Variants in PRKCZ observed in about 807,000 individuals in gnomAD.
PRKCZ encodes the protein protein kinase C zeta, also known as protein kinase C zeta type.
A neutral mutation model predicts 79.5 loss-of-function variants in PRKCZ; 33 were observed. That is an observed-to-expected ratio of 0.41 (90% CI 0.31 to 0.55). The LOEUF (loss-of-function observed/expected upper bound fraction) is 0.55. PRKCZ is among the 20% of genes least tolerant of loss of function. The pLI, the probability that PRKCZ is intolerant of heterozygous loss-of-function variation, is 0.19. For missense variants in PRKCZ, 578 were observed against 813.5 expected (o/e 0.71, Z 3.52); for synonymous variants, 342 against 320.9 (o/e 1.07, Z -0.70).
intron 4 of PRKCZ, among the ~76,000 whole-genome samples, chr1:2,092,566 C>T (rs535582273): frequency 4.5e-4 from 69 of 152,288 alleles, no homozygotes; most frequent in African/African-American, 1.6e-3. Context: ...AGCAGTGGGG[C>T]CAGGTGGACT....
intron 10 of PRKCZ, among the ~76,000 whole-genome samples, chr1:2,167,576 C>T (rs1005483743): frequency 6.6e-6 from 1 of 152,158 alleles, no homozygotes; most frequent in Non-Finnish European, 1.5e-5. Flanking sequence ...GCGGTGAAGT[C>T]ACCCTAAGGG....
chr1:2,110,890 C>T (rs956306865), intron 4 of PRKCZ, among the ~76,000 whole-genome samples: 5 of 151,884 alleles, frequency 3.3e-5, no homozygotes, highest in African/African-American at 4.8e-5. Flanking sequence ...GGCTGGTGGA[C>T]GGTGTAGTTC....
At chr1:2,089,817 C>G (rs1047690761) in intron 4 of PRKCZ, among the ~76,000 whole-genome samples, 1 of 152,180 alleles carries the variant, frequency 6.6e-6, no homozygotes, top group African/African-American at 2.4e-5. Context: ...GTGATCCCAG[C>G]TACTCCGGAG....
chr1:2,070,884 C>T (rs953257728), intron 4 of PRKCZ, among the ~76,000 whole-genome samples: 1 of 152,082 alleles, frequency 6.6e-6, no homozygotes, highest in Non-Finnish European at 1.5e-5. Flanking sequence ...TCACTTGGAG[C>T]AATGGCGGGA....
At chr1:2,074,015 G>T in intron 4 of PRKCZ, 2 of 1,427,270 alleles carry the variant, frequency 1.4e-6, no homozygotes, top group Non-Finnish European at 1.8e-6. Context: ...TGCGGAGGAC[G>T]GTGCCCGAGT....
rs112933753 is a variant in PRKCZ, at chr1:2,075,924, G to A, written c.334+16333G>A. 5.8e-4 allele frequency among the ~76,000 whole-genome samples: 88 copies of A among 152,352 alleles called. No homozygotes were observed. Among genetic ancestry groups the A allele is most frequent in the African/African-American group, 2.0e-3 (84 of 41,572 alleles). On this transcript the variant is annotated intron_variant, in intron 4 of 17. Coordinates refer to ENST00000378567, the MANE Select transcript of PRKCZ (RefSeq NM_002744.6). The surrounding 1 kb of genome is among the most constrained non-coding windows in gnomAD (Gnocchi z 4.8). Reference sequence around the variant, plus strand: ...CATCTGCCACACGTTTCTGATCGCCGAGGACTCAGCCGGGCACATGGAGGT... The same window carrying A: ...CATCTGCCACACGTTTCTGATCGCCAAGGACTCAGCCGGGCACATGGAGGT...
intron 4 of PRKCZ, among the ~76,000 whole-genome samples, chr1:2,110,297 G>A (rs1245540523): frequency 6.6e-6 from 1 of 152,224 alleles, no homozygotes; most frequent in Non-Finnish European, 1.5e-5. Flanking sequence ...AGAACGGCCA[G>A]GGCTGAATCT....
At chr1:2,138,121 G>A (rs139161261) in intron 5 of PRKCZ, among the ~76,000 whole-genome samples, 15 of 152,320 alleles carry the variant, frequency 9.8e-5, no homozygotes, top group African/African-American at 3.1e-4. Context: ...GATCACCTCT[G>A]CTGTCACTTA....
At chr1:2,151,988 C>T (rs916409564) in intron 9 of PRKCZ, among the ~76,000 whole-genome samples, 1 of 152,148 alleles carries the variant, frequency 6.6e-6, no homozygotes, top group African/African-American at 2.4e-5. Flanking sequence ...GGAACCAGGA[C>T]TACAGGCATG....
At chr1:2,084,432 CCCCCAGGCAT>C (rs1664122030) in intron 4 of PRKCZ, among the ~76,000 whole-genome samples, 1 of 152,214 alleles carries the variant, frequency 6.6e-6, no homozygotes, top group African/African-American at 2.4e-5. Flanking sequence ...GTCTCTGGGA[CCCCCAGGCAT>C]CCCCAGACCT....
chr1:2,171,675 T>C (rs1204375798), intron 11 of PRKCZ: 1 of 180,292 alleles, frequency 5.5e-6, no homozygotes, highest in Admixed American at 5.7e-5. Flanking sequence ...GCACCGTGTT[T>C]AATTTTCGAG....
intron 9 of PRKCZ, among the ~76,000 whole-genome samples, chr1:2,151,728 CCCACTATAG>C (rs1401217659): frequency 2.0e-5 from 3 of 152,190 alleles, no homozygotes; most frequent in Non-Finnish European, 4.4e-5. Context: ...TTGATCACAG[CCCACTATAG>C]CCTCAAAGTC....
chr1:2,138,882 T>C (rs411021), intron 5 of PRKCZ, among the ~76,000 whole-genome samples: 116,300 of 152,116 alleles, frequency 0.76, 45,102 homozygotes, highest in African/African-American at 0.9. Flanking sequence ...TGCGGTGAGC[T>C]GAGATTGTGC....
intron 5 of PRKCZ, chr1:2,142,260 C>G (rs1677497122): frequency 3.3e-6 from 1 of 298,874 alleles, no homozygotes. Context: ...CGCCTCCTTT[C>G]AATCCAGGGT....
intron 4 of PRKCZ, chr1:2,104,581 C>T: frequency 1.5e-6 from 1 of 652,370 alleles, no homozygotes; most frequent in Non-Finnish European, 1.9e-6. Flanking sequence ...TGGGAGGGGA[C>T]AATCCCAGGT....
chr1:2,139,339 C>T (rs1676853123), intron 5 of PRKCZ, among the ~76,000 whole-genome samples: 1 of 152,156 alleles, frequency 6.6e-6, no homozygotes, highest in Admixed American at 6.5e-5. Flanking sequence ...CCTGTAATTC[C>T]AGCACTTTGG....
At chr1:2,088,896 A>C (rs1479357640) in intron 4 of PRKCZ, among the ~76,000 whole-genome samples, 2 of 152,156 alleles carry the variant, frequency 1.3e-5, no homozygotes, top group Non-Finnish European at 2.9e-5. Flanking sequence ...AAAAGCTCAA[A>C]TTGCTCTTGC....
In PRKCZ at chr1:2,124,301, G is replaced by T. The variant is rs1557627478; in HGVS notation, c.335-10961G>T. On this transcript the variant is annotated intron_variant, in intron 4 of 17. Transcript: ENST00000378567. Reference sequence around the variant, plus strand: ...CACGGCTGTAGTTAGCGTCACGGTGGTAGTTAGGGTCACGGTGGTGGTTAG... The same window carrying T: ...CACGGCTGTAGTTAGCGTCACGGTGTTAGTTAGGGTCACGGTGGTGGTTAG... Among the ~76,000 whole-genome samples, 3 of 138,130 alleles carry T rather than the reference G, an allele frequency of 2.2e-5. 1 individual carries two copies. The highest frequency in any genetic ancestry group is 4.9e-5 in the Non-Finnish European group (3 of 61,440). 90.6% of individuals were successfully genotyped at this position (138,130 alleles called of 152,430 possible).
In PRKCZ at chr1:2,133,974, C is replaced by A. The variant is rs944457870; in HGVS notation, c.335-1288C>A. Reference sequence around the variant, plus strand: ...TGGCCGCCCCTGGGGGTCTGCGCCTCTTGTGGAGCCCAGGCCTGGCGCCCA... The same window carrying A: ...TGGCCGCCCCTGGGGGTCTGCGCCTATTGTGGAGCCCAGGCCTGGCGCCCA... On this transcript the variant is annotated intron_variant, in intron 4 of 17. Transcript: ENST00000378567. 5 of 152,438 alleles carry A rather than the reference C, an allele frequency of 3.3e-5. No homozygotes were observed. In the East Asian group the frequency reaches 9.7e-4, roughly 30 times the overall value. The allele number at this position is 152,438 out of a possible 1,614,324, so 9.4% of individuals were successfully genotyped here.
Sources: allele counts gnomAD v4.1 joint callset (sites outside exome capture counted in the v4.1 genomes callset), GRCh38; gene constraint gnomAD v4.1.1; non-coding constraint Gnocchi (gnomAD v3.1); transcripts MANE v1.5; gene names NCBI Gene and HGNC (gene_info 2026-07-23, HGNC 2026-07-21).